ORC5: variants seen among roughly 807,000 people sequenced by gnomAD.
The protein encoded by ORC5 is protein phosphatase 1, regulatory subunit 117.
ORC5 carries 39 observed loss-of-function variants against 58.8 expected under a neutral mutation model. That is an observed-to-expected ratio of 0.66 (90% CI 0.51 to 0.87). The LOEUF (loss-of-function observed/expected upper bound fraction) is 0.87. ORC5 is among the 40% of genes least tolerant of loss of function. The pLI is 0.00. For missense variants in ORC5, 493 were observed against 506.3 expected (o/e 0.97, Z 0.25); for synonymous variants, 218 against 177.6 (o/e 1.23, Z -1.81).
chr7:104,141,256 A>G (rs964878632), intron 12 of ORC5, among the ~76,000 whole-genome samples: 29 of 152,154 alleles, frequency 1.9e-4, no homozygotes, highest in African/African-American at 7.0e-4. Context: ...TTGCCCATTA[A>G]CTTAGAAATC....
At chr7:104,203,318 T>C (rs949337148) in intron 2 of ORC5, among the ~76,000 whole-genome samples, 2 of 152,160 alleles carry the variant, frequency 1.3e-5, no homozygotes, top group African/African-American at 2.4e-5. Context: ...CCCATTCACA[T>C]AGAGAATGCC....
At chr7:104,156,173 G>A (rs1470296229) in intron 12 of ORC5, among the ~76,000 whole-genome samples, 1 of 127,572 alleles carries the variant, frequency 7.8e-6, no homozygotes, top group Non-Finnish European at 1.9e-5. Context: ...TTACTGGAAT[G>A]AAAATTTTAA....
chr7:104,168,612 T>C (rs1289233710), intron 8 of ORC5, 87 bp from the exon 9 acceptor site: 11 of 666,216 alleles, frequency 1.7e-5, no homozygotes, highest in Non-Finnish European at 2.6e-5. Context: ...AAAAACTAAA[T>C]TTTTTTATTT....
In ORC5 at chr7:104,138,693, G is replaced by A. The variant is rs535668610; in HGVS notation, c.1150-1800C>T. 1.3e-5 allele frequency among the ~76,000 whole-genome samples: 2 copies of A among 152,086 alleles called. No homozygotes were observed. The highest frequency in any genetic ancestry group is 3.9e-4 in the East Asian group (2 of 5,162). On this transcript the variant is annotated intron_variant, in intron 12 of 13. Transcript: ENST00000297431. This position sits in a 1 kb window ranked among gnomAD's most constrained non-coding sequence, Gnocchi z 4.7. ...ACCCAGCTAATTTTTTGTATTTTTT[G>A]TAGACATGGGGTTTTGCCATGTTGT...
At chr7:104,172,665 A>G (rs1216340155) in intron 8 of ORC5, among the ~76,000 whole-genome samples, 1 of 152,218 alleles carries the variant, frequency 6.6e-6, no homozygotes, top group Non-Finnish European at 1.5e-5. Flanking sequence ...AATATTTACA[A>G]TAATTTTCAG....
At chr7:104,153,610 A>G (rs1194296747) in intron 12 of ORC5, among the ~76,000 whole-genome samples, 1 of 152,202 alleles carries the variant, frequency 6.6e-6, no homozygotes, top group Non-Finnish European at 1.5e-5. Context: ...TATTACAGAA[A>G]CACTGGAATG....
At position 104,154,731 on chromosome 7, in the gene ORC5, AATTAG is replaced by A. The variant is rs1202491929; in HGVS notation, c.1149+6336_1149+6340del. 5.9e-5 allele frequency among the ~76,000 whole-genome samples: 9 copies of A among 152,074 alleles called. No individual in the cohort carries two copies. The East Asian group carries it at 1.2e-3, about 20-fold the overall frequency. The stretch of plus-strand genomic sequence containing the variant: ...ACACTGACTTTGAACTTGAAATGTG[AATTAG>A]ATTAAAATATTTTTATTTATAAACG... On this transcript the variant is annotated intron_variant, in intron 12 of 13. Transcript: ENST00000297431.
At chr7:104,189,729 G>A (rs1370951674) in intron 5 of ORC5, among the ~76,000 whole-genome samples, 4 of 152,128 alleles carry the variant, frequency 2.6e-5, no homozygotes, top group African/African-American at 9.7e-5. Context: ...GGACCCCACT[G>A]GTCCTTGTCC....
At chr7:104,172,635 T>C (rs1157791962) in intron 8 of ORC5, among the ~76,000 whole-genome samples, 1 of 152,228 alleles carries the variant, frequency 6.6e-6, no homozygotes. Flanking sequence ...AGGCTTAATC[T>C]AATATCTATA....
intron 4 of ORC5, 24 bp downstream of exon 4, chr7:104,197,701 A>T: frequency 6.5e-7 from 1 of 1,529,842 alleles, no homozygotes; most frequent in Non-Finnish European, 9.0e-7. Context: ...TTGTGGGGAG[A>T]AAGCACTTTC....
chr7:104,198,675 G>A (rs1799858280), intron 3 of ORC5, among the ~76,000 whole-genome samples: 1 of 152,248 alleles, frequency 6.6e-6, no homozygotes, highest in Non-Finnish European at 1.5e-5. Context: ...GCCAGACCAT[G>A]AGGTAGAAAA....
chr7:104,134,383 C>T (rs968124507), intron 13 of ORC5, among the ~76,000 whole-genome samples: 3 of 140,748 alleles, frequency 2.1e-5, no homozygotes, highest in African/African-American at 5.3e-5. Flanking sequence ...CTACTGTACT[C>T]CAGCCTGGGC....
At chr7:104,158,025 T>C (rs1418666488) in intron 12 of ORC5, among the ~76,000 whole-genome samples, 1 of 152,136 alleles carries the variant, frequency 6.6e-6, no homozygotes, top group Non-Finnish European at 1.5e-5. Context: ...TTTCTCTATT[T>C]ACCCATTTAT....
chr7:104,181,860 G>A (rs1799440915), intron 8 of ORC5, among the ~76,000 whole-genome samples: 1 of 151,890 alleles, frequency 6.6e-6, no homozygotes, highest in Non-Finnish European at 1.5e-5. Context: ...CTTACAGTGA[G>A]TGAGTAAAAA....
intron 6 of ORC5, chr7:104,187,777 G>A (rs1479011020): frequency 1.0e-6 from 1 of 982,250 alleles, no homozygotes; most frequent in Non-Finnish European, 1.2e-6. Context: ...AGGGTCAGTG[G>A]TTAATGAAAG....
intron 3 of ORC5, among the ~76,000 whole-genome samples, chr7:104,200,467 T>C (rs1799911614): frequency 6.6e-6 from 1 of 152,234 alleles, no homozygotes; most frequent in Admixed American, 6.5e-5. Context: ...TTTAGGTCTG[T>C]CTCAAATGCT....
rs1464415633 is a variant in ORC5 at position 104,126,797 on chromosome 7, C to G, written c.*51G>C. 5 of 1,404,466 alleles carry G rather than the reference C, an allele frequency of 3.6e-6. No individual in the cohort carries two copies. In the African/African-American group the frequency reaches 7.2e-5, roughly 20 times the overall value. 87.0% of individuals were successfully genotyped at this position (1,404,466 alleles called of 1,614,324 possible). On this transcript the variant is annotated 3_prime_UTR_variant, in exon 14 of 14. Transcript: ENST00000297431. Reference sequence around the variant, plus strand: ...GGCCAGCTAAGTAGCTGGATGAACACAGCTTGGCTTAGTCATTGTCACAGT... The same window carrying G: ...GGCCAGCTAAGTAGCTGGATGAACAGAGCTTGGCTTAGTCATTGTCACAGT...
At chr7:104,203,214 T>A (rs1200946491) in intron 2 of ORC5, among the ~76,000 whole-genome samples, 1 of 152,184 alleles carries the variant, frequency 6.6e-6, no homozygotes, top group Non-Finnish European at 1.5e-5. Flanking sequence ...TAAACGTGCA[T>A]CCTCAGTGCT....
At chr7:104,200,402 A>G (rs17327021) in intron 3 of ORC5, among the ~76,000 whole-genome samples, 22,338 of 152,184 alleles carry the variant, frequency 0.15, 1,868 homozygotes, top group South Asian at 0.22. Flanking sequence ...CTTTACTTAT[A>G]TAATTCTATC....
Sources: allele counts gnomAD v4.1 joint callset (sites outside exome capture counted in the v4.1 genomes callset), GRCh38; gene constraint gnomAD v4.1.1; non-coding constraint Gnocchi (gnomAD v3.1); transcripts MANE v1.5; gene names NCBI Gene and HGNC (gene_info 2026-07-23, HGNC 2026-07-21).